The following PGRMC1 variants were observed in gnomAD, a reference collection of about 807,000 sequenced individuals.
The protein encoded by PGRMC1 is membrane-associated progesterone receptor component 1.
For synonymous variants in PGRMC1, 73 were observed against 77.3 expected, an observed-to-expected ratio of 0.94 and a Z score of 0.29; for missense variants, 145 against 169.0, an observed-to-expected ratio of 0.86 and a Z score of 0.79.
chrX:119,243,240 C>T lies in PGRMC1; in HGVS notation c.574C>T (p.Arg192Trp), dbSNP rs568388705. The T allele has an allele frequency of 3.3e-5, 39 of 1,172,585 alleles. No homozygotes were observed. The highest frequency in any genetic ancestry group is 3.9e-5 in the Non-Finnish European group (34 of 860,900). ...DEEEPKDESA[R>W]KND Reference sequence around the variant, plus strand: ...GGAAGAACCAAAAGATGAGAGTGCCCGGAAAAATGATTAAAGCATTCAGTG... The same window carrying T: ...GGAAGAACCAAAAGATGAGAGTGCCTGGAAAAATGATTAAAGCATTCAGTG... Residue 192 changes from arginine to tryptophan, a missense_variant, in exon 3 of 3, where the codon CGG becomes TGG. Physicochemically the swap from Arg to Trp is moderately radical, Grantham distance 101 (BLOSUM62 -3). Transcript: ENST00000217971.
chrX:119,236,337 C>T lies in PGRMC1; in HGVS notation c.-27C>T, dbSNP rs780641706. 2.5e-6 allele frequency: 3 copies of T among 1,178,791 alleles called. No homozygotes were observed. The highest frequency in any genetic ancestry group is 3.6e-5 in the South Asian group (2 of 56,086). ...TGGCGAGTTCCGGATCCCTGCCTAG[C>T]GCGGCCCAACCTTTACTCCAGAGAT... On this transcript the variant is annotated 5_prime_UTR_variant, in exon 1 of 3. Transcript: ENST00000217971.
Position 119,236,344 on chromosome X carries a change from C to T in PGRMC1, c.-20C>T, listed in dbSNP as rs1457522550. The T allele has an allele frequency of 8.4e-7, 1 of 1,197,422 alleles. No homozygotes were observed. The highest frequency in any genetic ancestry group is 1.8e-5 in the South Asian group (1 of 56,669). The stretch of plus-strand genomic sequence containing the variant: ...TTCCGGATCCCTGCCTAGCGCGGCC[C>T]AACCTTTACTCCAGAGATCATGGCT... On this transcript the variant is annotated 5_prime_UTR_variant, in exon 1 of 3. Coordinates refer to ENST00000217971, the MANE Select transcript of PGRMC1 (RefSeq NM_006667.5).
At position 119,243,326 on chromosome X, in the gene PGRMC1, A is replaced by C; in HGVS notation, c.*72A>C. Reference sequence around the variant, plus strand: ...TGTAACAGTCCACTCTGTCTTTAAAACATAGTGATTACAATATTTAGAAAG... The same window carrying C: ...TGTAACAGTCCACTCTGTCTTTAAACCATAGTGATTACAATATTTAGAAAG... On this transcript the variant is annotated 3_prime_UTR_variant, in exon 3 of 3. Transcript: ENST00000217971. The C allele has an allele frequency of 1.6e-6, 1 of 627,386 alleles. No individual in the cohort carries two copies. The highest frequency in any genetic ancestry group is 2.7e-6 in the Non-Finnish European group (1 of 371,267). 51.7% of individuals were successfully genotyped at this position (627,386 alleles called of 1,213,427 possible). A position where few individuals can be genotyped will look rare whatever the true frequency, so the allele number is the denominator to read the frequency against.
rs777615868 is a variant in PGRMC1, at chrX:119,243,233, G to T, written c.567G>T (p.Glu189Asp). 8.4e-7 allele frequency: 1 copy of T among 1,187,914 alleles called. No individual in the cohort carries two copies. Among genetic ancestry groups the T allele is most frequent in the Non-Finnish European group, 1.1e-6 (1 of 873,585 alleles). Residue 189 changes from glutamate (E) to aspartate (D), a missense_variant, in exon 3 of 3, where the codon GAG becomes GAT. Transcript: ENST00000217971. The part of the protein sequence containing the change: ...VYSDEEEPKD[E>D]SARKND Reference sequence around the variant, plus strand: ...CAGATGAGGAAGAACCAAAAGATGAGAGTGCCCGGAAAAATGATTAAAGCA... The same window carrying T: ...CAGATGAGGAAGAACCAAAAGATGATAGTGCCCGGAAAAATGATTAAAGCA...
rs767755606 is a variant in PGRMC1 at position 119,243,964 on chromosome X, G to A, written c.*710G>A. On this transcript the variant is annotated 3_prime_UTR_variant, in exon 3 of 3. Coordinates refer to ENST00000217971, the MANE Select transcript of PGRMC1 (RefSeq NM_006667.5). ...GGCTGGCCTAAAAACCTAAATATAT[G>A]ATGAAGATTGTAGGACTGTCTTCCC... The A allele has an allele frequency of 1.9e-3, 208 of 111,844 alleles. 2 individuals are homozygous for A. Among genetic ancestry groups the A allele is most frequent in the African/African-American group, 6.6e-3 (204 of 30,785 alleles). The allele number at this position is 111,844 out of a possible 1,213,427, so 9.2% of individuals were successfully genotyped here. A position where few individuals can be genotyped will look rare whatever the true frequency, so the allele number is the denominator to read the frequency against.
intron 1 of PGRMC1, among the ~76,000 whole-genome samples, 170 bp downstream of exon 1, chrX:119,236,861 C>T (rs1368740448): frequency 8.9e-6 from 1 of 111,804 alleles, no homozygotes; most frequent in Non-Finnish European, 1.9e-5. Flanking sequence ...GCTCCCGGGG[C>T]GGGCAGGGAA....
At chrX:119,236,716 G>A (rs760225581) in intron 1 of PGRMC1, 25 bp downstream of exon 1, 15 of 1,132,558 alleles carry the variant, frequency 1.3e-5, no homozygotes, top group South Asian at 1.2e-4. Flanking sequence ...AGGGGGGCTT[G>A]GAGACAAAAG....
intron 2 of PGRMC1, among the ~76,000 whole-genome samples, 188 bp downstream of exon 2, chrX:119,240,652 C>A (rs979945993): frequency 2.7e-5 from 3 of 111,641 alleles, no homozygotes; most frequent in East Asian, 5.6e-4. Flanking sequence ...TGATTGCATA[C>A]CAATTTTTAG....
At position 119,239,446 on chromosome X, in the gene PGRMC1, T is replaced by G. The variant is rs1930769493; in HGVS notation, c.329-863T>G. Among the ~76,000 whole-genome samples the G allele has an allele frequency of 2.7e-5, 3 of 112,163 alleles. No homozygotes were observed. In the Admixed American group the frequency reaches 2.8e-4, roughly 11 times the overall value. On this transcript the variant is annotated intron_variant, in intron 1 of 2. Coordinates refer to ENST00000217971, the MANE Select transcript of PGRMC1 (RefSeq NM_006667.5). ...TGCCTTGGGGGAAACAACACATTGT[T>G]TAAAGTACACTGGATTCTCTTCATT... is the stretch of plus-strand genomic sequence containing the variant.
chrX:119,244,075 A>G lies in PGRMC1; in HGVS notation c.*821A>G, dbSNP rs890533855. 2 of 112,422 alleles carry G rather than the reference A, an allele frequency of 1.8e-5. No individual in the cohort carries two copies. The highest frequency in any genetic ancestry group is 9.4e-5 in the Admixed American group (1 of 10,664). The allele number at this position is 112,422 out of a possible 1,213,427, so 9.3% of individuals were successfully genotyped here. On this transcript the variant is annotated 3_prime_UTR_variant, in exon 3 of 3. Transcript: ENST00000217971. ...CATTTGAAATGAGGGAGGGACATACAGAATAGGAACAGGTGTTTGCTCTCC... is the reference window on the plus strand; with the variant it reads ...CATTTGAAATGAGGGAGGGACATACGGAATAGGAACAGGTGTTTGCTCTCC...
At chrX:119,241,008 G>A (rs1288305926) in intron 2 of PGRMC1, among the ~76,000 whole-genome samples, 1 of 111,964 alleles carries the variant, frequency 8.9e-6, no homozygotes, top group Non-Finnish European at 1.9e-5. Context: ...CTTGTTTCTG[G>A]CTTATGCTAT....
Position 119,236,588 on chromosome X carries a change from C to T in PGRMC1, c.225C>T (p.Pro75=). The T allele has an allele frequency of 1.7e-6, 2 of 1,207,325 alleles. No homozygotes were observed. Among genetic ancestry groups the T allele is most frequent in the Non-Finnish European group, 1.1e-6 (1 of 893,261 alleles). The change falls in exon 1 of 3, where the codon CCC becomes CCT. Residue 75 remains proline (P), a synonymous_variant. Transcript: ENST00000217971. ...GCCTCAAGCGGCGCGACTTCACCCC[C>T]GCCGAGCTGCGGCGCTTCGACGGCG... The part of the protein sequence containing the change: ...LPRLKRRDFT[P]AELRRFDGVQ...
At position 119,243,194 on chromosome X, in the gene PGRMC1, G is replaced by A. The variant is rs1407423660; in HGVS notation, c.528G>A (p.Glu176=). 1 of 1,205,621 alleles carries A rather than the reference G, an allele frequency of 8.3e-7. No individual in the cohort carries two copies. Among genetic ancestry groups the A allele is most frequent in the Non-Finnish European group, 1.1e-6 (1 of 890,816 alleles). The change falls in exon 3 of 3, where the codon GAG becomes GAA. Residue 176 remains glutamate, a synonymous_variant. Transcript: ENST00000217971. The part of the protein sequence containing the change: ...HVGKLLKEGE[E]PTVYSDEEEP... ...GCAAACTGCTGAAGGAGGGGGAGGA[G>A]CCCACTGTGTACTCAGATGAGGAAG... is the stretch of plus-strand genomic sequence containing the variant.
intron 2 of PGRMC1, among the ~76,000 whole-genome samples, chrX:119,241,479 T>C (rs1352133537): frequency 7.1e-5 from 8 of 112,544 alleles, no homozygotes; most frequent in Non-Finnish European, 1.1e-4. Flanking sequence ...ATCATAAGGA[T>C]GCCTTTGTAA....
chrX:119,238,900 A>G (rs757663081), intron 1 of PGRMC1, among the ~76,000 whole-genome samples: 7 of 112,591 alleles, frequency 6.2e-5, no homozygotes, highest in South Asian at 3.7e-4. Flanking sequence ...AGCAAAACAG[A>G]CACAAATCTC....
chrX:119,242,735 C>G (rs752211574), intron 2 of PGRMC1, among the ~76,000 whole-genome samples: 29 of 112,010 alleles, frequency 2.6e-4, no homozygotes, highest in Non-Finnish European at 4.5e-4. Flanking sequence ...GATACGTTGT[C>G]TCACCTGTAT....
chrX:119,236,764 G>A, intron 1 of PGRMC1, 73 bp downstream of exon 1: 2 of 905,637 alleles, frequency 2.2e-6, no homozygotes, highest in Non-Finnish European at 3.0e-6. Context: ...GGAGAGAGGC[G>A]AGGCGGGAGC....
Position 119,243,224 on chromosome X carries a change from A to G in PGRMC1, c.558A>G (p.Pro186=). The G allele has an allele frequency of 8.4e-7, 1 of 1,196,437 alleles. No homozygotes were observed. The change falls in exon 3 of 3, where the codon CCA becomes CCG. Residue 186 remains proline (P), a synonymous_variant. Transcript: ENST00000217971. ...EPTVYSDEEE[P]KDESARKND is the part of the protein sequence containing the mutation. ...CTGTGTACTCAGATGAGGAAGAACC[A>G]AAAGATGAGAGTGCCCGGAAAAATG...
At chrX:119,241,961 C>T (rs1374871360) in intron 2 of PGRMC1, among the ~76,000 whole-genome samples, 1 of 112,052 alleles carries the variant, frequency 8.9e-6, no homozygotes, top group Non-Finnish European at 1.9e-5. Flanking sequence ...CCAGTCATCT[C>T]CTGGCTCCTT....
Sources: allele counts gnomAD v4.1 joint callset (sites outside exome capture counted in the v4.1 genomes callset), GRCh38; gene constraint gnomAD v4.1.1; transcripts MANE v1.5; gene names NCBI Gene and HGNC (gene_info 2026-07-23, HGNC 2026-07-21).